SLCO1A2: variants seen among roughly 807,000 people sequenced by gnomAD.
The protein encoded by SLCO1A2 is OATP-1.
In SLCO1A2, 67 loss-of-function variants were observed where a neutral mutation model predicts 69.0. The observed-to-expected ratio is 0.97, with a 90% confidence interval of 0.80 to 1.19. SLCO1A2 has a LOEUF of 1.19. SLCO1A2 is among the 50% of genes most tolerant of loss of function. The probability of loss-of-function intolerance (pLI) is 0.00; values close to 1 mark genes in which losing one functional copy is unlikely to be tolerated. For synonymous variants in SLCO1A2, 260 were observed against 265.9 expected (o/e 0.98, Z 0.22); for missense variants, 787 against 793.7 (o/e 0.99, Z 0.10).
chr12:21,383,334 G>A (rs1046698362), intron 1 of SLCO1A2, among the ~76,000 whole-genome samples: 4 of 151,992 alleles, frequency 2.6e-5, no homozygotes, highest in Admixed American at 2.0e-4. Flanking sequence ...AACCTTTGCC[G>A]ACTAAGTAGA....
chr12:21,396,100 A>C (rs1941445506), upstream of SLCO1A2, among the ~76,000 whole-genome samples: 1 of 151,906 alleles, frequency 6.6e-6, no homozygotes, highest in Non-Finnish European at 1.5e-5. Flanking sequence ...ATTCAAACCA[A>C]AGGCAAAGAA....
At chr12:21,335,393 T>TATGTAC (rs141493226), upstream of SLCO1A2, among the ~76,000 whole-genome samples, 8,847 of 152,076 alleles carry the variant, frequency 0.058, 827 homozygotes, top group African/African-American at 0.2. Flanking sequence ...GTAATAGGTA[T>TATGTAC]AGATATATGT....
rs866835614 is a variant in SLCO1A2, at chr12:21,405,083, T to C, written c.-312+12799A>G. On this transcript the variant is annotated intron_variant, in intron 1 of 4. Transcript: ENST00000413682. ...CTTGGGTCACTTTTTAATGGCTTTTTTTTTTTTGTAAATTTAAGTTCCTTG... is the reference window on the plus strand; with the variant it reads ...CTTGGGTCACTTTTTAATGGCTTTTCTTTTTTTGTAAATTTAAGTTCCTTG... 3.2e-3 allele frequency among the ~76,000 whole-genome samples: 484 copies of C among 151,934 alleles called. 3 individuals are homozygous for C. The highest frequency in any genetic ancestry group is 0.011 in the African/African-American group (446 of 41,438).
intron 2 of SLCO1A2, among the ~76,000 whole-genome samples, chr12:21,353,317 A>G (rs1264902663): frequency 6.6e-6 from 1 of 152,154 alleles, no homozygotes; most frequent in Non-Finnish European, 1.5e-5. Context: ...ATATGGAGCA[A>G]AACAAAATAT....
chr12:21,323,832 G>A (rs10459074), intron 2 of SLCO1A2, among the ~76,000 whole-genome samples: 47,643 of 151,984 alleles, frequency 0.31, 7,608 homozygotes, highest in East Asian at 0.35. Context: ...CCTTGGTTTG[G>A]ATGATCTGAA....
At chr12:21,312,577 C>T (rs1017608029) in intron 4 of SLCO1A2, among the ~76,000 whole-genome samples, 27 of 152,152 alleles carry the variant, frequency 1.8e-4, no homozygotes, top group African/African-American at 6.5e-4. Flanking sequence ...TTAATGATTT[C>T]TAGCTTTTGA....
Position 21,274,480 on chromosome 12 carries a change from G to A in SLCO1A2, c.1782C>T (p.Ser594=), listed in dbSNP as rs139115683. Residue 594 remains serine, a synonymous_variant, in exon 14 of 15, where the codon TCC becomes TCT. Transcript: ENST00000683939. The part of the protein sequence containing the change: ...GESGACRIYD[S]TTFRYIYLGL... Reference sequence around the variant, plus strand: ...ATTATTATCTTTACCTGAAGGTGGTGGAATCATATATCCTGCATGCCCCTG... The same window carrying A: ...ATTATTATCTTTACCTGAAGGTGGTAGAATCATATATCCTGCATGCCCCTG... The A allele has an allele frequency of 2.2e-5, 36 of 1,601,390 alleles. No individual in the cohort carries two copies. The African/African-American group carries it at 4.7e-4, about 21-fold the overall frequency.
chr12:21,373,813 G>A, intron 2 of SLCO1A2: 2 of 616,664 alleles, frequency 3.2e-6, no homozygotes, highest in Admixed American at 2.7e-5. Context: ...TATACCAAGT[G>A]GATTCTTTTT....
Position 21,301,235 on chromosome 12 carries a change from C to T in SLCO1A2, c.624G>A (p.Leu208=). The part of the protein sequence containing the change: ...LVETGAIIGP[L]IGLLLASFCA... The stretch of plus-strand genomic sequence containing the variant: ...AGAATGATGCCAACAAAAGTCCAAT[C>T]AAAGGACCAATAATAGCTCCTGTTT... Residue 208 remains leucine, a synonymous_variant, in exon 7 of 15, where the codon TTG becomes TTA. Coordinates refer to ENST00000683939, the MANE Select transcript of SLCO1A2 (RefSeq NM_001386879.1). 1 of 1,612,400 alleles carries T rather than the reference C, an allele frequency of 6.2e-7. No homozygotes were observed. Among genetic ancestry groups the T allele is most frequent in the Non-Finnish European group, 8.5e-7 (1 of 1,179,344 alleles).
chr12:21,356,874 T>C (rs1273511723), intron 2 of SLCO1A2, among the ~76,000 whole-genome samples: 1 of 152,196 alleles, frequency 6.6e-6, no homozygotes, highest in Non-Finnish European at 1.5e-5. Context: ...AGAACTTTTG[T>C]ATCTTAAACA....
chr12:21,374,639 C>T (rs1940053946), intron 1 of SLCO1A2: 1 of 151,788 alleles, frequency 6.6e-6, no homozygotes, highest in Admixed American at 6.6e-5. Context: ...TTTGCTTTTT[C>T]ATAAAAATAA....
chr12:21,342,619 A>G (rs1485669657), intron 2 of SLCO1A2, among the ~76,000 whole-genome samples: 2 of 151,990 alleles, frequency 1.3e-5, no homozygotes, highest in African/African-American at 4.8e-5. Flanking sequence ...TATGTCACAA[A>G]TTAAATAGCA....
At chr12:21,297,304 A>C in intron 9 of SLCO1A2, 100 bp downstream of exon 9, 2 of 710,076 alleles carry the variant, frequency 2.8e-6, no homozygotes, top group Admixed American at 3.2e-5. Flanking sequence ...AGAGTCAAAA[A>C]ATATCCTAAA....
At chr12:21,356,855 A>C (rs945802700) in intron 2 of SLCO1A2, among the ~76,000 whole-genome samples, 15 of 152,226 alleles carry the variant, frequency 9.9e-5, no homozygotes, top group African/African-American at 3.6e-4. Flanking sequence ...GGAGATCTAT[A>C]GAGTAGTGAG....
rs1949102938 is a variant in SLCO1A2 at position 21,304,469 on chromosome 12, T to C, written c.547A>G (p.Ile183Val). The change falls in exon 6 of 15, where the codon ATA becomes GTA. Residue 183 changes from isoleucine (I) to valine (V), a missense_variant. Physicochemically the swap from Ile to Val is conservative, Grantham distance 29. Transcript: ENST00000683939. ...TPILPLGISY[I>V]EDFAKFENSP... ...TTTTCAAATTTGGCAAAATCTTCTA[T>C]ATAGGAAATACCCAAAGGCAGGATG... 2 of 1,612,830 alleles carry C rather than the reference T, an allele frequency of 1.2e-6. No homozygotes were observed. Among genetic ancestry groups the C allele is most frequent in the Non-Finnish European group, 1.7e-6 (2 of 1,179,018 alleles).
At chr12:21,357,071 AAAAC>A (rs1230152292) in intron 2 of SLCO1A2, among the ~76,000 whole-genome samples, 7 of 152,216 alleles carry the variant, frequency 4.6e-5, no homozygotes, top group African/African-American at 1.7e-4. Flanking sequence ...AGAAAGGATA[AAAAC>A]AAACAAACAC....
At chr12:21,357,039 C>T (rs1034525527) in intron 2 of SLCO1A2, among the ~76,000 whole-genome samples, 34 of 151,902 alleles carry the variant, frequency 2.2e-4, no homozygotes, top group African/African-American at 4.3e-4. Context: ...GAAAGATTTA[C>T]GAACAAAATC....
chr12:21,407,924 G>C (rs1941848593), intron 1 of SLCO1A2, among the ~76,000 whole-genome samples: 1 of 152,080 alleles, frequency 6.6e-6, no homozygotes, highest in African/African-American at 2.4e-5. Flanking sequence ...GGCAAGATAT[G>C]GTCAATGGGT....
intron 3 of SLCO1A2, among the ~76,000 whole-genome samples, chr12:21,315,592 G>A (rs919559179): frequency 2.6e-5 from 4 of 152,088 alleles, no homozygotes; most frequent in African/African-American, 4.8e-5. Context: ...TCTAAGTGGT[G>A]TATATTTTGA....
Sources: gnomAD v4.1 joint callset for allele counts (sites outside exome capture counted in the v4.1 genomes callset) on GRCh38, gnomAD v4.1.1 for gene constraint, MANE v1.5 for transcripts, NCBI Gene and HGNC (gene_info 2026-07-23, HGNC 2026-07-21) for gene names.